The following HS6ST3 variants were observed in gnomAD, a reference collection of about 807,000 sequenced individuals.
The protein encoded by HS6ST3 is heparan sulfate 6-O-sulfotransferase 3.
HS6ST3 carries 12 observed loss-of-function variants against 36.7 expected under a neutral mutation model. The observed-to-expected ratio is 0.33, with a 90% confidence interval of 0.21 to 0.53. The LOEUF is 0.53. Ranked by LOEUF, HS6ST3 falls within the 20% of genes least tolerant of loss-of-function variation. The pLI, the probability that HS6ST3 is intolerant of heterozygous loss-of-function variation, is 0.95. For missense variants in HS6ST3, 584 were observed against 640.9 expected (o/e 0.91, Z 0.96); for synonymous variants, 240 against 257.5 (o/e 0.93, Z 0.65).
At chr13:96,491,238 A>G (rs1395503379) in intron 1 of HS6ST3, among the ~76,000 whole-genome samples, 1 of 152,068 alleles carries the variant, frequency 6.6e-6, no homozygotes, top group Non-Finnish European at 1.5e-5. Context: ...TTAAAAAAAG[A>G]CAAGTGACCA....
intron 1 of HS6ST3, among the ~76,000 whole-genome samples, chr13:96,419,105 A>G (rs1373839421): frequency 2.6e-5 from 4 of 152,256 alleles, no homozygotes; most frequent in Non-Finnish European, 4.4e-5. Context: ...AAATGCCTTT[A>G]TTGTGGAGAA....
intron 1 of HS6ST3, among the ~76,000 whole-genome samples, chr13:96,190,165 C>T (rs79600498): frequency 9.9e-5 from 15 of 152,268 alleles, no homozygotes; most frequent in East Asian, 5.8e-4. Context: ...CAAGTGACTA[C>T]GACATATCCA....
chr13:96,288,498 A>G (rs1398901808), intron 1 of HS6ST3, among the ~76,000 whole-genome samples: 3 of 152,170 alleles, frequency 2.0e-5, no homozygotes, highest in East Asian at 1.9e-4. Context: ...AAAGATGGGT[A>G]TCAGGAAATC....
chr13:96,775,039 A>G (rs1877353008), intron 1 of HS6ST3, among the ~76,000 whole-genome samples: 1 of 152,198 alleles, frequency 6.6e-6, no homozygotes, highest in South Asian at 2.1e-4. Flanking sequence ...AACATTCTTA[A>G]AGAAAAGAAT....
At chr13:96,456,258 A>G (rs1686808303) in intron 1 of HS6ST3, among the ~76,000 whole-genome samples, 1 of 152,214 alleles carries the variant, frequency 6.6e-6, no homozygotes, top group African/African-American at 2.4e-5. Flanking sequence ...AGATTGATCT[A>G]GCTGTATAAT....
chr13:96,136,682 CATATAT>C (rs56247662), intron 1 of HS6ST3, among the ~76,000 whole-genome samples: 7,258 of 130,268 alleles, frequency 0.056, 280 homozygotes, highest in East Asian at 0.15. Flanking sequence ...TGTTATGAAA[CATATAT>C]ATATATATAT....
intron 1 of HS6ST3, among the ~76,000 whole-genome samples, chr13:96,682,008 C>G (rs1321586972): frequency 6.6e-6 from 1 of 152,114 alleles, no homozygotes; most frequent in Admixed American, 6.6e-5. Flanking sequence ...GGCTATATTG[C>G]TGCTGGAAGC....
intron 1 of HS6ST3, among the ~76,000 whole-genome samples, chr13:96,157,376 A>G (rs2054115321): frequency 6.6e-6 from 1 of 152,222 alleles, no homozygotes; most frequent in South Asian, 2.1e-4. Flanking sequence ...GGAAAATAAG[A>G]AAGGATCAAA....
chr13:96,352,465 G>C (rs2055188404), intron 1 of HS6ST3, among the ~76,000 whole-genome samples: 1 of 152,210 alleles, frequency 6.6e-6, no homozygotes, highest in South Asian at 2.1e-4. Flanking sequence ...TTTACAGCAT[G>C]GCAGCTGGCT....
intron 1 of HS6ST3, among the ~76,000 whole-genome samples, chr13:96,601,599 TTGTC>T (rs1300048360): frequency 7.2e-5 from 11 of 152,152 alleles, no homozygotes; most frequent in African/African-American, 1.7e-4. Context: ...TTTGGATACT[TTGTC>T]TGGTATATCA....
At chr13:96,138,360 T>A (rs1023520283) in intron 1 of HS6ST3, among the ~76,000 whole-genome samples, 4 of 150,754 alleles carry the variant, frequency 2.7e-5, no homozygotes, top group Non-Finnish European at 4.4e-5. Context: ...GAGGTATGGT[T>A]GATATATAAC....
At chr13:96,473,332 T>C (rs561539740) in intron 1 of HS6ST3, among the ~76,000 whole-genome samples, 3 of 152,350 alleles carry the variant, frequency 2.0e-5, no homozygotes, top group Non-Finnish European at 1.5e-5. Context: ...TCCAGGCATG[T>C]ATCAAAAAGA....
At chr13:96,662,563 T>C (rs2056650207) in intron 1 of HS6ST3, among the ~76,000 whole-genome samples, 1 of 151,460 alleles carries the variant, frequency 6.6e-6, no homozygotes, top group African/African-American at 2.4e-5. Flanking sequence ...TTCAGCTTTC[T>C]CTTGGATCTC....
intron 1 of HS6ST3, among the ~76,000 whole-genome samples, chr13:96,554,784 T>C (rs1014676944): frequency 3.3e-5 from 5 of 151,978 alleles, no homozygotes; most frequent in Admixed American, 6.6e-5. Context: ...AAAAGTTCTA[T>C]ATGGCCAGGC....
At chr13:96,133,843 G>GTT (rs71113979) in intron 1 of HS6ST3, among the ~76,000 whole-genome samples, 1,687 of 142,138 alleles carry the variant, frequency 0.012, 24 homozygotes, top group African/African-American at 0.042. Context: ...GAGCTTTTAT[G>GTT]TTTTTTTTTT....
At chr13:96,641,491 C>G (rs1374611552) in intron 1 of HS6ST3, among the ~76,000 whole-genome samples, 2 of 151,752 alleles carry the variant, frequency 1.3e-5, no homozygotes. Flanking sequence ...GAAACATTCA[C>G]TCCATTTATA....
intron 1 of HS6ST3, among the ~76,000 whole-genome samples, chr13:96,655,657 T>G (rs1048687186): frequency 3.9e-5 from 6 of 152,086 alleles, no homozygotes; most frequent in Admixed American, 3.9e-4. Context: ...TCACTACTGT[T>G]TAGTGCTGAG....
At chr13:96,191,058 G>C (rs956924529) in intron 1 of HS6ST3, among the ~76,000 whole-genome samples, 4 of 152,238 alleles carry the variant, frequency 2.6e-5, no homozygotes, top group Non-Finnish European at 5.9e-5. Flanking sequence ...CATCATTCTT[G>C]GTTCCTGTTT....
chr13:96,541,160 G>A (rs1481930481), intron 1 of HS6ST3, among the ~76,000 whole-genome samples: 1 of 152,100 alleles, frequency 6.6e-6, no homozygotes, highest in Non-Finnish European at 1.5e-5. Context: ...AGCCTCCCAA[G>A]TAGCTGGGAT....
Sources: allele counts gnomAD v4.1 joint callset (sites outside exome capture counted in the v4.1 genomes callset), GRCh38; gene constraint gnomAD v4.1.1; transcripts MANE v1.5; gene names NCBI Gene and HGNC (gene_info 2026-07-23, HGNC 2026-07-21).